HDAC7: variants seen among roughly 807,000 people sequenced by gnomAD.
The protein encoded by HDAC7 is histone deacetylase 7.
Under a neutral mutation model 115.5 loss-of-function variants are expected in HDAC7, and 26 were observed. The ratio of observed to expected loss-of-function variants is 0.23; its 90% confidence interval spans 0.16 to 0.31. The LOEUF (loss-of-function observed/expected upper bound fraction) is 0.31. Ranked by LOEUF, HDAC7 falls within the 10% of genes least tolerant of loss-of-function variation. The probability of loss-of-function intolerance (pLI) is 1.00; values close to 1 mark genes in which losing one functional copy is unlikely to be tolerated. For missense variants in HDAC7, 1,068 were observed against 1,329.0 expected (o/e 0.80, Z 3.05); for synonymous variants, 564 against 550.9 (o/e 1.02, Z -0.33).
At chr12:47,796,427 T>TTTC in intron 7 of HDAC7, 129 bp from the exon 8 acceptor site, 1 of 138,710 alleles carries the variant, frequency 7.2e-6, no homozygotes, top group Non-Finnish European at 1.3e-5. Context: ...TCCTGCTTTC[T>TTTC]TTTTTTTTTT....
At chr12:47,811,780 A>G (rs1944678726) in intron 1 of HDAC7, among the ~76,000 whole-genome samples, 1 of 152,134 alleles carries the variant, frequency 6.6e-6, no homozygotes, top group African/African-American at 2.4e-5. Context: ...CTTGGACCAT[A>G]TATCCTCTGA....
At position 47,784,217 on chromosome 12, in the gene HDAC7, C is replaced by G; in HGVS notation, c.2792G>C (p.Ser931Thr). The change falls in exon 25 of 26, where the codon AGT becomes ACT. Residue 931 changes from serine (S) to threonine (T), a missense_variant and splice_region_variant. Physicochemically the swap from Ser to Thr is moderately conservative, Grantham distance 58. This residue lies in a region of HDAC7 where 98 missense variants were observed against 123.9 expected (regional missense o/e 0.79). Transcript: ENST00000080059. ...RSLEAVIRVH[S>T]KYWGCMQRLA... ...GCGCTGCATGCAGCCCCAGTATTTA[C>G]CTGGGGTAAGATGCCAGGTCAGAAA... 2 of 1,609,732 alleles carry G rather than the reference C, an allele frequency of 1.2e-6. No homozygotes were observed. The highest frequency in any genetic ancestry group is 1.7e-6 in the Non-Finnish European group (2 of 1,178,062).
Position 47,789,526 on chromosome 12 carries a change from G to A in HDAC7, c.2144C>T (p.Ala715Val). The change falls in exon 18 of 26, where the codon GCC becomes GTC. Residue 715 changes from alanine (A) to valine (V), a missense_variant. Ala to Val is a moderately conservative substitution (Grantham distance 64, BLOSUM62 0). Coordinates refer to ENST00000080059, the MANE Select transcript of HDAC7 (RefSeq NM_015401.5). The stretch of plus-strand genomic sequence containing the variant: ...CCAGGTCTTCCCTTAGCCTTACATG[G>A]CTGTTGAATGATCTGCATGGTGTCC... ...PPGHHADHST[A>V]MGFCFFNSVA... The A allele has an allele frequency of 1.2e-6, 2 of 1,614,134 alleles. No homozygotes were observed. Among genetic ancestry groups the A allele is most frequent in the Non-Finnish European group, 1.7e-6 (2 of 1,179,982 alleles).
chr12:47,802,253 C>A lies in HDAC7; in HGVS notation c.41G>T (p.Gly14Val), dbSNP rs1207736279. 1 of 1,613,980 alleles carries A rather than the reference C, an allele frequency of 6.2e-7. No homozygotes were observed. The highest frequency in any genetic ancestry group is 8.5e-7 in the Non-Finnish European group (1 of 1,179,982). The change falls in exon 2 of 26, where the codon GGT (glycine) becomes GTT (valine). Residue 14 changes from glycine (G) to valine (V), a missense_variant. Physicochemically the swap from Gly to Val is moderately radical, Grantham distance 109. This residue lies in a region of HDAC7 where 161 missense variants were observed against 158.5 expected (regional missense o/e 1.02). Coordinates refer to ENST00000080059, the MANE Select transcript of HDAC7 (RefSeq NM_015401.5). ...PGADGTQVSP[G>V]AHYCSPTGAG... ...GCCAGTGGGGCTGCAGTAGTGGGCA[C>A]CCGGGCTCACCTGGGTCCCATCTGT...
At chr12:47,819,418 CG>C (rs1250098789) in intron 1 of HDAC7, among the ~76,000 whole-genome samples, 5 of 152,224 alleles carry the variant, frequency 3.3e-5, no homozygotes, top group African/African-American at 1.2e-4. Flanking sequence ...TCGTCCTCCC[CG>C]GGAACAGGGG....
chr12:47,796,424 T>TTA, intron 7 of HDAC7, 126 bp from the exon 8 acceptor site: 1 of 578,382 alleles, frequency 1.7e-6, no homozygotes, highest in Non-Finnish European at 2.9e-6. Flanking sequence ...GCTTCCTGCT[T>TTA]TCTTTTTTTT....
intron 1 of HDAC7, among the ~76,000 whole-genome samples, chr12:47,817,100 G>A (rs866874490): frequency 2.2e-4 from 34 of 152,276 alleles, no homozygotes; most frequent in Middle Eastern, 6.9e-3. Flanking sequence ...CACAGAAACA[G>A]GGGGAAAATA....
chr12:47,796,386 A>T, intron 7 of HDAC7, 88 bp from the exon 8 acceptor site: 1 of 798,822 alleles, frequency 1.3e-6, no homozygotes, highest in Non-Finnish European at 2.0e-6. Flanking sequence ...GAGACCCGGG[A>T]GCACCCCCTT....
At chr12:47,789,239 G>A (rs376694025) in intron 19 of HDAC7, 22 bp downstream of exon 19, 3 of 1,580,846 alleles carry the variant, frequency 1.9e-6, no homozygotes, top group African/African-American at 1.3e-5. Flanking sequence ...CGAATTGGAG[G>A]GTGCTACGGA....
intron 13 of HDAC7, chr12:47,792,705 T>C (rs1435697874): frequency 2.2e-6 from 1 of 455,604 alleles, no homozygotes; most frequent in African/African-American, 2.0e-5. Context: ...GAAAGATTTA[T>C]GCATAAGGAA....
At position 47,802,263 on chromosome 12, in the gene HDAC7, C is replaced by G. The variant is rs1944203064; in HGVS notation, c.31G>C (p.Val11Leu). Residue 11 changes from valine (V) to leucine (L), a missense_variant, in exon 2 of 26, where the codon GTG (valine) becomes CTG (leucine). By Grantham distance (32) the Val-to-Leu change is conservative. Around this residue, in one of 6 missense-constraint regions of HDAC7, gnomAD observed 161 missense variants for 158.5 expected, o/e 1.02. Transcript: ENST00000080059. ...CTGCAGTAGTGGGCACCCGGGCTCA[C>G]CTGGGTCCCATCTGTAGAGAGAGAG... MHSPGADGTQVSPGAHYCSPT... is the reference protein window; with the variant it reads MHSPGADGTQLSPGAHYCSPT... The G allele has an allele frequency of 6.2e-7, 1 of 1,613,932 alleles. No homozygotes were observed. The highest frequency in any genetic ancestry group is 8.5e-7 in the Non-Finnish European group (1 of 1,180,006).
chr12:47,795,979 G>A lies in HDAC7; in HGVS notation c.833C>T (p.Ser278Phe). Residue 278 changes from serine to phenylalanine, a missense_variant, in exon 9 of 26, where the codon TCT (serine) becomes TTT (phenylalanine). Around this residue, in one of 6 missense-constraint regions of HDAC7, gnomAD observed 618 missense variants for 701.5 expected, o/e 0.88. Transcript: ENST00000080059. This position sits in a 1 kb window ranked among gnomAD's most constrained non-coding sequence, Gnocchi z 4.3. ...LGQRLRLQET[S>F]VAPFALPTVS... is the part of the protein sequence containing the mutation. ...TGTCGGCAAGGCGAACGGGGCCACA[G>A]AAGTCTCCTGCAGCCGCAGCCGCTG... The A allele has an allele frequency of 1.3e-6, 2 of 1,549,858 alleles. No homozygotes were observed. The highest frequency in any genetic ancestry group is 1.7e-6 in the Non-Finnish European group (2 of 1,147,176).
At chr12:47,796,353 T>TGC in intron 7 of HDAC7, 55 bp from the exon 8 acceptor site, 1 of 1,379,592 alleles carries the variant, frequency 7.2e-7, no homozygotes, top group Non-Finnish European at 1.0e-6. Flanking sequence ...GGCAGGAGGG[T>TGC]ACAGCCAGGC....
rs745632339 is a variant in HDAC7 at position 47,795,817 on chromosome 12, C to T, written c.907-50G>A. 2.6e-6 allele frequency: 4 copies of T among 1,521,306 alleles called. No homozygotes were observed. The East Asian group carries it at 9.9e-5, about 38-fold the overall frequency. The allele number at this position is 1,521,306 out of a possible 1,614,324, so 94.2% of individuals were successfully genotyped here. On this transcript the variant is annotated intron_variant, in intron 9 of 25. Coordinates refer to ENST00000080059, the MANE Select transcript of HDAC7 (RefSeq NM_015401.5). The surrounding 1 kb of genome is among the most constrained non-coding windows in gnomAD (Gnocchi z 4.3). ...CGGGGAAGAAGATTCCAGCAGAGAA[C>T]AATGAAGATGATGGGGTGAGGCAGC...
At chr12:47,791,377 G>C in intron 15 of HDAC7, 69 bp from the exon 16 acceptor site, 3 of 1,470,972 alleles carry the variant, frequency 2.0e-6, no homozygotes, top group Non-Finnish European at 2.7e-6. Flanking sequence ...GGAGCAGGGA[G>C]CCCAGAGAGC....
Position 47,793,450 on chromosome 12 carries a change from G to A in HDAC7, c.1597C>T (p.Leu533=). 3 of 1,558,450 alleles carry A rather than the reference G, an allele frequency of 1.9e-6. No homozygotes were observed. The highest frequency in any genetic ancestry group is 2.6e-6 in the Non-Finnish European group (3 of 1,151,078). Reference sequence around the variant, plus strand: ...TGGCTGGCAGGCTCTGGGGCTGACAGTGAGGCAGGTGCGGCTGGGGAAGAC... The same window carrying A: ...TGGCTGGCAGGCTCTGGGGCTGACAATGAGGCAGGTGCGGCTGGGGAAGAC... ...AQSSPAAPAS[L]SAPEPASQAR... The change falls in exon 13 of 26, where the codon CTG becomes TTG. Residue 533 remains leucine (L), a synonymous_variant. Transcript: ENST00000080059. This position sits in a 1 kb window ranked among gnomAD's most constrained non-coding sequence, Gnocchi z 4.5.
chr12:47,812,267 G>A (rs1944700721), intron 1 of HDAC7, among the ~76,000 whole-genome samples: 1 of 152,236 alleles, frequency 6.6e-6, no homozygotes, highest in Admixed American at 6.5e-5. Flanking sequence ...CTCTCTGGCT[G>A]TTCCAGGCCG....
chr12:47,792,577 G>A, intron 13 of HDAC7: 1 of 452,850 alleles, frequency 2.2e-6, no homozygotes, highest in South Asian at 1.6e-5. Flanking sequence ...CTCATTGCGG[G>A]TGGGAGGGTC....
chr12:47,783,953 C>T, intron 25 of HDAC7, 67 bp from the exon 26 acceptor site: 1 of 1,607,386 alleles, frequency 6.2e-7, no homozygotes, highest in Non-Finnish European at 8.5e-7. Context: ...AGCTAAGCTT[C>T]CTCTCAACCC....
Sources: allele counts gnomAD v4.1 joint callset (sites outside exome capture counted in the v4.1 genomes callset), GRCh38; gene constraint gnomAD v4.1.1; regional missense constraint gnomAD v4.1.1; non-coding constraint Gnocchi (gnomAD v3.1); transcripts MANE v1.5; gene names NCBI Gene and HGNC (gene_info 2026-07-23, HGNC 2026-07-21).